CCDC91: variants seen among roughly 807,000 people sequenced by gnomAD.
CCDC91 encodes coiled-coil domain-containing protein 91.
In CCDC91, 48 loss-of-function variants were observed where a neutral mutation model predicts 63.2. The observed-to-expected ratio is 0.76, with a 90% CI of 0.60 to 0.97. CCDC91 has a LOEUF of 0.97. CCDC91 is among the 50% of genes least tolerant of loss of function. The probability of loss-of-function intolerance (pLI) is 0.00; values close to 1 mark genes in which losing one functional copy is unlikely to be tolerated. For missense variants in CCDC91, 500 were observed against 494.6 expected (o/e 1.01, Z -0.10); for synonymous variants, 167 against 165.8 (o/e 1.01, Z -0.06).
chr12:28,475,285 C>T (rs1185156167), intron 11 of CCDC91, among the ~76,000 whole-genome samples: 3 of 152,004 alleles, frequency 2.0e-5, no homozygotes, highest in Non-Finnish European at 4.4e-5. Context: ...CATGTGAAAA[C>T]ATTTGCAGGG....
intron 8 of CCDC91, among the ~76,000 whole-genome samples, chr12:28,433,065 C>T (rs1470510213): frequency 6.6e-6 from 1 of 151,636 alleles, no homozygotes; most frequent in Non-Finnish European, 1.5e-5. Context: ...TAAGTCAGGC[C>T]TTTTTTTGTT....
At chr12:28,417,192 A>G (rs1462658028) in intron 8 of CCDC91, among the ~76,000 whole-genome samples, 1 of 151,872 alleles carries the variant, frequency 6.6e-6, no homozygotes, top group Non-Finnish European at 1.5e-5. Context: ...TTCCTTTTTT[A>G]TTAATTTTTA....
rs1405642908 is a variant in CCDC91 at position 28,446,297 on chromosome 12, T to G, written c.763-3864T>G. 2.6e-5 allele frequency among the ~76,000 whole-genome samples: 4 copies of G among 152,198 alleles called. No homozygotes were observed. In the East Asian group the frequency reaches 7.7e-4, roughly 29 times the overall value. On this transcript the variant is annotated intron_variant, in intron 8 of 12. Transcript: ENST00000536442. ...AGTTCAATATCTTTTGTGGCTATTG[T>G]GAAGCTTACTCACATACACAGAATT...
At chr12:28,357,296 A>T (rs1943588236) in intron 6 of CCDC91, among the ~76,000 whole-genome samples, 1 of 152,148 alleles carries the variant, frequency 6.6e-6, no homozygotes, top group South Asian at 2.1e-4. Flanking sequence ...GGTATATTTA[A>T]TCATTTTAGC....
chr12:28,363,800 C>G (rs1248570587), intron 7 of CCDC91, among the ~76,000 whole-genome samples: 1 of 149,082 alleles, frequency 6.7e-6, no homozygotes, highest in East Asian at 2.0e-4. Flanking sequence ...TGGCATGAAC[C>G]CGGGAGGCGG....
intron 3 of CCDC91, among the ~76,000 whole-genome samples, chr12:28,297,181 T>TG (rs1157489002): frequency 2.6e-5 from 4 of 151,906 alleles, no homozygotes; most frequent in Non-Finnish European, 5.9e-5. Context: ...CAGATTTTTT[T>TG]GGGGGGTATA....
rs985752060 is a variant in CCDC91, at chr12:28,364,176, G to A, written c.654+1661G>A. 5.7e-4 allele frequency among the ~76,000 whole-genome samples: 87 copies of A among 151,922 alleles called. 2 individuals are homozygous for A. Among genetic ancestry groups the A allele is most frequent in the Middle Eastern group, 3.4e-3 (1 of 292 alleles). ...CGAAGTGGGTGGATCACCTGAGGTC[G>A]GGGGTTCCAGACCAGCCTGGCCAAC... On this transcript the variant is annotated intron_variant, in intron 7 of 12. Coordinates refer to ENST00000536442, the MANE Select transcript of CCDC91 (RefSeq NM_018318.5).
At chr12:28,319,922 A>G (rs377726994) in intron 6 of CCDC91, among the ~76,000 whole-genome samples, 5 of 151,966 alleles carry the variant, frequency 3.3e-5, no homozygotes, top group African/African-American at 1.2e-4. Flanking sequence ...CTACAGATGC[A>G]GAGGGCTGAC....
intron 12 of CCDC91, among the ~76,000 whole-genome samples, chr12:28,529,157 T>C (rs1326159799): frequency 1.3e-5 from 2 of 152,352 alleles, no homozygotes; most frequent in South Asian, 2.1e-4. Context: ...ACTGATTATG[T>C]CTTACCTCTA....
chr12:28,199,023 C>T lies in CCDC91; in HGVS notation c.-15+8382C>T, dbSNP rs541619015. The stretch of plus-strand genomic sequence containing the variant: ...CCAGCTCCTTGGCTCAAGTGATTCT[C>T]CTGCCTGAGCCTCCCTAGTAGCTAG... On this transcript the variant is annotated intron_variant, in intron 1 of 12. Transcript: ENST00000536442. The T allele has an allele frequency of 3.3e-5, 5 of 152,036 alleles. No homozygotes were observed. The South Asian group carries it at 1.0e-3, about 32-fold the overall frequency. 9.4% of individuals were successfully genotyped at this position (152,036 alleles called of 1,614,324 possible). A position where few individuals can be genotyped will look rare whatever the true frequency, so the allele number is the denominator to read the frequency against.
chr12:28,307,711 G>C lies in CCDC91; in HGVS notation c.538G>C (p.Glu180Gln). 6.3e-7 allele frequency: 1 copy of C among 1,592,208 alleles called. No individual in the cohort carries two copies. The highest frequency in any genetic ancestry group is 1.1e-5 in the South Asian group (1 of 87,270). Residue 180 changes from glutamate to glutamine, a missense_variant, in exon 6 of 13, where the codon GAG becomes CAG. Glu to Gln is a conservative substitution (Grantham distance 29). Transcript: ENST00000536442. ...EKGFLKEKEQ[E>Q]AISFQDRYKE... is the part of the protein sequence containing the mutation. ...AGGCTTTCTAAAAGAAAAAGAGCAA[G>C]AGGCCATTTCTTTTCAAGATAGATA...
At chr12:28,514,753 C>T (rs539344109) in intron 12 of CCDC91, among the ~76,000 whole-genome samples, 2 of 151,808 alleles carry the variant, frequency 1.3e-5, no homozygotes, top group African/African-American at 4.8e-5. Context: ...GAGTTCTTTC[C>T]CCATTGCTTG....
At chr12:28,295,495 C>T (rs1204451640) in intron 3 of CCDC91, among the ~76,000 whole-genome samples, 3 of 152,006 alleles carry the variant, frequency 2.0e-5, no homozygotes, top group Non-Finnish European at 4.4e-5. Flanking sequence ...CGTTCCATGA[C>T]ATCTGACAAC....
At position 28,543,126 on chromosome 12, in the gene CCDC91, G is replaced by A. The variant is rs116510140; in HGVS notation, c.1216-5937G>A. Among the ~76,000 whole-genome samples, 1,421 of 152,090 alleles carry A rather than the reference G, an allele frequency of 9.3e-3. 28 individuals carry two copies. Among genetic ancestry groups the A allele is most frequent in the African/African-American group, 0.033 (1,381 of 41,514 alleles). On this transcript the variant is annotated intron_variant, in intron 12 of 12. Coordinates refer to ENST00000536442, the MANE Select transcript of CCDC91 (RefSeq NM_018318.5). ...ACTTCTCCTTTGTATCTGTGTCTCT[G>A]TTTCTCTTCGTGTAAAGACACTAGT...
At chr12:28,199,567 A>G (rs1942049935) in intron 1 of CCDC91, among the ~76,000 whole-genome samples, 3 of 152,214 alleles carry the variant, frequency 2.0e-5, no homozygotes, top group African/African-American at 7.2e-5. Context: ...AGATTCAAGT[A>G]TACTGTCTCT....
intron 1 of CCDC91, among the ~76,000 whole-genome samples, chr12:28,216,358 A>G (rs1336838578): frequency 6.6e-6 from 1 of 152,074 alleles, no homozygotes; most frequent in East Asian, 1.9e-4. Flanking sequence ...TAAGCACAGC[A>G]AATATGTATT....
chr12:28,459,379 T>C (rs1950201254), intron 11 of CCDC91, among the ~76,000 whole-genome samples: 1 of 152,242 alleles, frequency 6.6e-6, no homozygotes, highest in African/African-American at 2.4e-5. Context: ...CAAACTGCAA[T>C]AGATTATAAT....
intron 12 of CCDC91, among the ~76,000 whole-genome samples, chr12:28,536,636 G>A (rs1942200873): frequency 6.6e-6 from 1 of 152,078 alleles, no homozygotes; most frequent in African/African-American, 2.4e-5. Context: ...CTTAATTTAT[G>A]ATTATTATGA....
chr12:28,412,146 T>C (rs998737164), intron 8 of CCDC91, among the ~76,000 whole-genome samples: 1 of 152,182 alleles, frequency 6.6e-6, no homozygotes, highest in African/African-American at 2.4e-5. Flanking sequence ...TCTAGGTGTA[T>C]AGTAGGCTAT....
Sources: gnomAD v4.1 joint callset for allele counts (sites outside exome capture counted in the v4.1 genomes callset) on GRCh38, gnomAD v4.1.1 for gene constraint, MANE v1.5 for transcripts, NCBI Gene and HGNC (gene_info 2026-07-23, HGNC 2026-07-21) for gene names.